The following EVC variants were observed in gnomAD, a reference collection of about 807,000 sequenced individuals.
EVC encodes the protein evC complex member EVC.
A neutral mutation model predicts 118.9 loss-of-function variants in EVC; 116 were observed. The observed-to-expected ratio is 0.98, with a 90% CI of 0.84 to 1.14. The LOEUF (loss-of-function observed/expected upper bound fraction) is 1.14, where lower values mean the gene tolerates loss of function less well. EVC is among the 50% of genes most tolerant of loss of function. The pLI, the probability that EVC is intolerant of heterozygous loss-of-function variation, is 0.00. For missense variants in EVC, 1,401 were observed against 1,246.4 expected (o/e 1.12, Z -1.87); for synonymous variants, 619 against 534.7 (o/e 1.16, Z -2.18).
In EVC at chr4:5,731,829, G is replaced by A. The variant is rs1445681457; in HGVS notation, c.617+172G>A. Among the ~76,000 whole-genome samples the A allele has an allele frequency of 6.6e-6, 1 of 152,160 alleles. No homozygotes were observed. The highest frequency in any genetic ancestry group is 6.5e-5 in the Admixed American group (1 of 15,294). On this transcript the variant is annotated intron_variant, in intron 4 of 20. Transcript: ENST00000264956. This position sits in a 1 kb window ranked among gnomAD's most constrained non-coding sequence, Gnocchi z 5.6. The stretch of plus-strand genomic sequence containing the variant: ...GCCCCAGAGGCCTTTGTCACTTCCT[G>A]TGCTGTATTGCCCAACACTGGGGTT...
the EVC span, among the ~76,000 whole-genome samples, chr4:5,827,750 C>CAT: frequency 6.6e-6 from 1 of 151,974 alleles, no homozygotes; most frequent in Non-Finnish European, 1.5e-5. Context: ...CACACACACA[C>CAT]ACACGAAGCT....
rs995540361 is a variant in EVC, at chr4:5,813,284, C to G, written c.*2247C>G. On this transcript the variant is annotated 3_prime_UTR_variant, in exon 21 of 21. Coordinates refer to ENST00000264956, the MANE Select transcript of EVC (RefSeq NM_153717.3). ...TGGCGTGATCTCGGCTCATGGCAAT[C>G]TCCATCTCCCGGGTTCAAGCGATTT... 6.6e-6 allele frequency: 1 copy of G among 152,232 alleles called. No homozygotes were observed. The highest frequency in any genetic ancestry group is 6.5e-5 in the Admixed American group (1 of 15,286). The allele number at this position is 152,232 out of a possible 1,614,324, so 9.4% of individuals were successfully genotyped here.
chr4:5,751,565 G>A (rs1033654866), intron 8 of EVC, among the ~76,000 whole-genome samples: 3 of 152,252 alleles, frequency 2.0e-5, no homozygotes, highest in Non-Finnish European at 1.5e-5. Flanking sequence ...CTAGTCTTGT[G>A]TTGTGGGAAC....
At chr4:5,827,497 A>G in the EVC span, among the ~76,000 whole-genome samples, 1 of 152,178 alleles carries the variant, frequency 6.6e-6, no homozygotes, top group South Asian at 2.1e-4. Context: ...CTGGGAATGC[A>G]GGAAGGTCTC....
intron 17 of EVC, among the ~76,000 whole-genome samples, chr4:5,805,848 C>G (rs968459207): frequency 6.6e-6 from 1 of 151,536 alleles, no homozygotes; most frequent in Non-Finnish European, 1.5e-5. Flanking sequence ...TGATGCCCTT[C>G]CCTCCCTGTC....
intron 19 of EVC, 23 bp downstream of exon 19, chr4:5,809,634 G>A: frequency 1.3e-6 from 2 of 1,598,962 alleles, no homozygotes; most frequent in Non-Finnish European, 1.7e-6. Context: ...TGCTTGAGTT[G>A]CAGCGGGAAG....
At position 5,749,552 on chromosome 4, in the gene EVC, A is replaced by G. The variant is rs979949058; in HGVS notation, c.1098+1246A>G. 1.3e-5 allele frequency among the ~76,000 whole-genome samples: 2 copies of G among 152,138 alleles called. No homozygotes were observed. Among genetic ancestry groups the G allele is most frequent in the South Asian group, 2.1e-4 (1 of 4,828 alleles). ...GCGTCTGTTCCTCTATTTATAAAATAATAGTGCTAAGAGTTGCCACAGACA... is the reference window on the plus strand; with the variant it reads ...GCGTCTGTTCCTCTATTTATAAAATGATAGTGCTAAGAGTTGCCACAGACA... On this transcript the variant is annotated intron_variant, in intron 8 of 20. Transcript: ENST00000264956. The surrounding 1 kb of genome is among the most constrained non-coding windows in gnomAD (Gnocchi z 4.4).
chr4:5,741,603 A>G, intron 5 of EVC, 113 bp from the exon 6 acceptor site: 1 of 655,298 alleles, frequency 1.5e-6, no homozygotes, highest in Non-Finnish European at 2.8e-6. Context: ...GAAAGAGAAG[A>G]AAAGAAGGAG....
chr4:5,729,833 T>C (rs1726498687), intron 3 of EVC, among the ~76,000 whole-genome samples: 1 of 152,134 alleles, frequency 6.6e-6, no homozygotes, highest in South Asian at 2.1e-4. Flanking sequence ...AGGTAAATAA[T>C]GTCTCCACTT....
rs1048844709 is a variant in EVC, at chr4:5,746,499, A to G, written c.939+1158A>G. ...TGCTCCTGTCCTCTGAATAGGTCCA[A>G]TATTGAGAGGAGAGGCTTGGAGATG... On this transcript the variant is annotated intron_variant, in intron 7 of 20. Coordinates refer to ENST00000264956, the MANE Select transcript of EVC (RefSeq NM_153717.3). This position sits in a 1 kb window ranked among gnomAD's most constrained non-coding sequence, Gnocchi z 5.8. Among the ~76,000 whole-genome samples the G allele has an allele frequency of 3.9e-5, 6 of 152,262 alleles. No individual in the cohort carries two copies. The highest frequency in any genetic ancestry group is 1.4e-4 in the African/African-American group (6 of 41,560).
intron 1 of EVC, among the ~76,000 whole-genome samples, chr4:5,718,295 C>G (rs896684108): frequency 1.3e-5 from 2 of 151,704 alleles, no homozygotes; most frequent in African/African-American, 4.8e-5. Flanking sequence ...ATGTATGTTT[C>G]TGTTTAAAGA....
Position 5,745,218 on chromosome 4 carries a change from A to G in EVC, c.816A>G (p.Leu272=). ...LSKQEKDLEE[L]EKGLQVKLSN... ...TTCTTCTTCAGGATTTGGAGGAACT[A>G]GAAAAGGGACTTCAGGTCAAACTGT... Residue 272 remains leucine (L), a synonymous_variant, in exon 7 of 21, where the codon CTA becomes CTG. Coordinates refer to ENST00000264956, the MANE Select transcript of EVC (RefSeq NM_153717.3). 6.2e-7 allele frequency: 1 copy of G among 1,613,976 alleles called. No homozygotes were observed. Among genetic ancestry groups the G allele is most frequent in the Non-Finnish European group, 8.5e-7 (1 of 1,179,912 alleles).
At chr4:5,725,299 A>G (rs367653445) in intron 2 of EVC, among the ~76,000 whole-genome samples, 5 of 152,350 alleles carry the variant, frequency 3.3e-5, no homozygotes, top group African/African-American at 7.2e-5. Flanking sequence ...GAATCGCCAC[A>G]CTGTCTTCCA....
intron 11 of EVC, among the ~76,000 whole-genome samples, chr4:5,776,199 G>T (rs1055407519): frequency 6.6e-6 from 1 of 151,684 alleles, no homozygotes; most frequent in Non-Finnish European, 1.5e-5. Context: ...ATTTGGTAAT[G>T]TTATTAACTA....
Position 5,731,780 on chromosome 4 carries a change from C to A in EVC, c.617+123C>A. ...GTTCAGTGACTCTGCCAGGGACACA[C>A]AGCGACCCAGCGTCACCATCGGAGC... On this transcript the variant is annotated intron_variant, in intron 4 of 20. Coordinates refer to ENST00000264956, the MANE Select transcript of EVC (RefSeq NM_153717.3). The surrounding 1 kb of genome is among the most constrained non-coding windows in gnomAD (Gnocchi z 5.6). 2 of 944,992 alleles carry A rather than the reference C, an allele frequency of 2.1e-6. No individual in the cohort carries two copies. Among genetic ancestry groups the A allele is most frequent in the Non-Finnish European group, 3.3e-6 (2 of 601,528 alleles). 58.5% of individuals were successfully genotyped at this position (944,992 alleles called of 1,614,324 possible). A position where few individuals can be genotyped will look rare whatever the true frequency, so the allele number is the denominator to read the frequency against.
chr4:5,825,094 G>A, the EVC span: 1 of 985,418 alleles, frequency 1.0e-6, no homozygotes, highest in Non-Finnish European at 1.2e-6. This position sits in a 1 kb window ranked among gnomAD's most constrained non-coding sequence, Gnocchi z 4.4. Context: ...TGCAGTGGGT[G>A]AACAGGCTAA....
At position 5,798,821 on chromosome 4, in the gene EVC, A is replaced by C; in HGVS notation, c.2304+29A>C. 1 of 1,599,780 alleles carries C rather than the reference A, an allele frequency of 6.3e-7. No individual in the cohort carries two copies. Among genetic ancestry groups the C allele is most frequent in the Non-Finnish European group, 8.5e-7 (1 of 1,173,852 alleles). Reference sequence around the variant, plus strand: ...TGCACTGACCTCTGTCCCTGGGGACACCGAGGGCAAGAATGTTCAGGGTAG... The same window carrying C: ...TGCACTGACCTCTGTCCCTGGGGACCCCGAGGGCAAGAATGTTCAGGGTAG... On this transcript the variant is annotated intron_variant, in intron 15 of 20. Transcript: ENST00000264956. This position sits in a 1 kb window ranked among gnomAD's most constrained non-coding sequence, Gnocchi z 4.1.
chr4:5,784,449 A>G (rs1205998547), intron 12 of EVC, among the ~76,000 whole-genome samples: 1 of 152,126 alleles, frequency 6.6e-6, no homozygotes, highest in East Asian at 1.9e-4. Context: ...GCCTCTAGAA[A>G]AGAGCACAGC....
intron 18 of EVC, among the ~76,000 whole-genome samples, chr4:5,809,116 C>T (rs1366099987): frequency 6.6e-6 from 1 of 152,240 alleles, no homozygotes; most frequent in East Asian, 1.9e-4. Context: ...TATCCAGGGT[C>T]ACACAGTTAA....
Sources: gnomAD v4.1 joint callset for allele counts (sites outside exome capture counted in the v4.1 genomes callset) on GRCh38, gnomAD v4.1.1 for gene constraint, Gnocchi (gnomAD v3.1) non-coding constraint, MANE v1.5 for transcripts, NCBI Gene and HGNC (gene_info 2026-07-23, HGNC 2026-07-21) for gene names.